The following MYT1L variants were observed in gnomAD, a reference collection of about 807,000 sequenced individuals.
The protein encoded by MYT1L is myelin transcription factor 1 like, also known as myelin transcription factor 1-like protein.
MYT1L carries 12 observed loss-of-function variants against 126.7 expected under a neutral mutation model. The observed-to-expected ratio is 0.09, with a 90% CI of 0.06 to 0.15. MYT1L has a LOEUF of 0.15. MYT1L is among the 10% of genes least tolerant of loss of function. The probability of loss-of-function intolerance (pLI) is 1.00; values close to 1 mark genes in which losing one functional copy is unlikely to be tolerated. For missense variants in MYT1L, 979 were observed against 1,585.2 expected (o/e 0.62, Z 6.49); for synonymous variants, 541 against 604.2 (o/e 0.90, Z 1.53).
At chr2:1,959,240 C>T (rs573939978) in intron 8 of MYT1L, among the ~76,000 whole-genome samples, 1 of 152,292 alleles carries the variant, frequency 6.6e-6, no homozygotes, top group South Asian at 2.1e-4. Context: ...AGATCATGCT[C>T]CTGGGCTTCC....
intron 3 of MYT1L, among the ~76,000 whole-genome samples, chr2:2,154,475 T>C (rs1274897145): frequency 6.6e-6 from 1 of 152,180 alleles, no homozygotes; most frequent in Non-Finnish European, 1.5e-5. Flanking sequence ...GTGGTACATA[T>C]ACACCATGGA....
chr2:2,288,487 T>C (rs1287572782), intron 1 of MYT1L, among the ~76,000 whole-genome samples: 3 of 152,196 alleles, frequency 2.0e-5, no homozygotes, highest in Non-Finnish European at 4.4e-5. Context: ...TCATGTGCAG[T>C]TTACCTGGAA....
intron 3 of MYT1L, among the ~76,000 whole-genome samples, chr2:2,124,548 G>A (rs1005110806): frequency 1.3e-5 from 2 of 152,082 alleles, no homozygotes; most frequent in East Asian, 1.9e-4. Flanking sequence ...CACCTGCCTC[G>A]GCCTCCCAAA....
rs2053749184 is a variant in MYT1L at position 1,922,888 on chromosome 2, C to T, written c.881G>A (p.Ser294Asn). 6.2e-7 allele frequency: 1 copy of T among 1,614,064 alleles called. No homozygotes were observed. Among genetic ancestry groups the T allele is most frequent in the African/African-American group, 1.3e-5 (1 of 75,068 alleles). Residue 294 changes from serine to asparagine, a missense_variant, in exon 10 of 25, where the codon AGT becomes AAT. Physicochemically the swap from Ser to Asn is conservative, Grantham distance 46 (BLOSUM62 1). Around this residue, in one of 12 missense-constraint regions of MYT1L, gnomAD observed 243 missense variants for 363.9 expected, o/e 0.67. Transcript: ENST00000647738. This position sits in a 1 kb window ranked among gnomAD's most constrained non-coding sequence, Gnocchi z 7.4. ...NYADSMSQQD[S>N]RNMNYVMLGK... ...CAACATGACGTAATTCATATTTCTA[C>T]TGTCTTGCTGCGACATGCTGTCTGC...
intron 18 of MYT1L, among the ~76,000 whole-genome samples, chr2:1,860,860 G>A (rs116285965): frequency 0.01 from 1,560 of 152,146 alleles, 27 homozygotes; most frequent in African/African-American, 0.034. Context: ...CTTTGCAAGG[G>A]CTACTGCCTC....
At chr2:1,995,695 C>T (rs779112880) in intron 5 of MYT1L, among the ~76,000 whole-genome samples, 6 of 152,122 alleles carry the variant, frequency 3.9e-5, no homozygotes, top group Non-Finnish European at 5.9e-5. Flanking sequence ...CCTTTGTTCC[C>T]GGGTGATGGG....
At chr2:1,872,426 G>A (rs935987872) in intron 18 of MYT1L, among the ~76,000 whole-genome samples, 2 of 152,240 alleles carry the variant, frequency 1.3e-5, no homozygotes, top group Non-Finnish European at 1.5e-5. Flanking sequence ...AGGACAGGGA[G>A]AAGGCAGCGG....
At chr2:2,208,756 GTTTAA>G (rs1366425663) in intron 2 of MYT1L, among the ~76,000 whole-genome samples, 2 of 151,924 alleles carry the variant, frequency 1.3e-5, no homozygotes, top group Non-Finnish European at 2.9e-5. Context: ...CTATTTTTAA[GTTTAA>G]TTTATCTTGA....
Position 2,297,354 on chromosome 2 carries a change from G to A in MYT1L, c.-520-12851C>T, listed in dbSNP as rs78043822. On this transcript the variant is annotated intron_variant, in intron 1 of 24. Transcript: ENST00000647738. ...CCACAGGATGGCATGACAGGGGACC[G>A]TGTGTGGGGTGGATGGGACACCTGC... 6.6e-3 allele frequency among the ~76,000 whole-genome samples: 1,003 copies of A among 152,306 alleles called. 13 individuals carry two copies. The highest frequency in any genetic ancestry group is 0.023 in the African/African-American group (941 of 41,568).
intron 12 of MYT1L, among the ~76,000 whole-genome samples, chr2:1,911,163 C>T (rs1573492669): frequency 6.6e-6 from 1 of 152,160 alleles, no homozygotes. Context: ...TCGATCATTT[C>T]CTGCTTCTGC....
intron 2 of MYT1L, among the ~76,000 whole-genome samples, chr2:2,266,241 C>T (rs887048269): frequency 6.6e-5 from 10 of 152,332 alleles, no homozygotes; most frequent in Admixed American, 1.3e-4. Flanking sequence ...AGGCTTTTAG[C>T]TAAGATCTAC....
chr2:2,065,847 C>T (rs1362676647), intron 3 of MYT1L, among the ~76,000 whole-genome samples: 2 of 119,536 alleles, frequency 1.7e-5, no homozygotes, highest in Non-Finnish European at 3.8e-5. Context: ...CACACACACA[C>T]GCACACACAC....
chr2:1,874,276 G>A (rs1451312171), intron 18 of MYT1L, among the ~76,000 whole-genome samples: 1 of 152,088 alleles, frequency 6.6e-6, no homozygotes, highest in East Asian at 1.9e-4. Context: ...TTCTCCACAA[G>A]AAGCCTCAGG....
chr2:1,974,863 A>G (rs190653831), intron 8 of MYT1L: 1 of 152,346 alleles, frequency 6.6e-6, no homozygotes, highest in Admixed American at 6.5e-5. Context: ...TTCCAAATTT[A>G]TATTTTGATT....
chr2:1,980,829 G>C (rs1031005207), intron 5 of MYT1L, among the ~76,000 whole-genome samples: 2 of 152,116 alleles, frequency 1.3e-5, no homozygotes, highest in Non-Finnish European at 2.9e-5. Flanking sequence ...CACAGTATGG[G>C]AAGTGTTTGC....
At chr2:2,166,057 T>C (rs761171815) in intron 3 of MYT1L, among the ~76,000 whole-genome samples, 1 of 152,202 alleles carries the variant, frequency 6.6e-6, no homozygotes, top group Non-Finnish European at 1.5e-5. Flanking sequence ...TAAAAGGTAA[T>C]TGTGTTTATT....
chr2:1,956,548 TCA>T (rs2058459349), intron 8 of MYT1L, among the ~76,000 whole-genome samples: 2 of 147,884 alleles, frequency 1.4e-5, no homozygotes, highest in African/African-American at 5.0e-5. Flanking sequence ...TATCTATCTA[TCA>T]TCTATCCTAT....
In MYT1L at chr2:1,858,891, C is replaced by G. The variant is rs563943595; in HGVS notation, c.2712-7188G>C. On this transcript the variant is annotated intron_variant, in intron 18 of 24. Coordinates refer to ENST00000647738, the MANE Select transcript of MYT1L (RefSeq NM_001303052.2). ...CGGGTGGAGTCTCTGCTGCCTCCCC[C>G]ATAGGCACCTCAGCCTCCCTGCCCG... Among the ~76,000 whole-genome samples, 49 of 152,384 alleles carry G rather than the reference C, an allele frequency of 3.2e-4. No homozygotes were observed. The East Asian group carries it at 9.5e-3, about 29-fold the overall frequency.
chr2:2,256,965 A>C (rs1378911878), intron 2 of MYT1L, among the ~76,000 whole-genome samples: 1 of 152,224 alleles, frequency 6.6e-6, no homozygotes, highest in East Asian at 1.9e-4. Flanking sequence ...TCATACATAC[A>C]TAGGTTGCTG....
Sources: allele counts gnomAD v4.1 joint callset (sites outside exome capture counted in the v4.1 genomes callset), GRCh38; gene constraint gnomAD v4.1.1; regional missense constraint gnomAD v4.1.1; non-coding constraint Gnocchi (gnomAD v3.1); transcripts MANE v1.5; gene names NCBI Gene and HGNC (gene_info 2026-07-23, HGNC 2026-07-21).